ZDHHC7: variants seen among roughly 807,000 people sequenced by gnomAD.
ZDHHC7 encodes palmitoyltransferase ZDHHC7.
In ZDHHC7, 12 loss-of-function variants were observed where a neutral mutation model predicts 34.1. The observed-to-expected ratio is 0.35, with a 90% CI of 0.23 to 0.57. The LOEUF (loss-of-function observed/expected upper bound fraction) is 0.57, where lower values mean the gene tolerates loss of function less well. ZDHHC7 is among the 20% of genes least tolerant of loss of function. ZDHHC7 has a pLI of 0.84. For synonymous variants in ZDHHC7, 185 were observed against 155.4 expected, an observed-to-expected ratio of 1.19 and a Z score of -1.42; for missense variants, 388 against 402.7, an observed-to-expected ratio of 0.96 and a Z score of 0.31.
chr16:84,991,278 C>G (rs983177483), intron 2 of ZDHHC7, among the ~76,000 whole-genome samples: 1 of 151,888 alleles, frequency 6.6e-6, no homozygotes, highest in African/African-American at 2.4e-5. Context: ...CTAGAATGCC[C>G]TTCATCTCTA....
chr16:84,974,341 TAG>T lies in ZDHHC7; in HGVS notation c.*2000_*2001del, dbSNP rs2072266123. 6.6e-6 allele frequency: 1 copy of T among 152,146 alleles called. No individual in the cohort carries two copies. Among genetic ancestry groups the T allele is most frequent in the South Asian group, 2.1e-4 (1 of 4,828 alleles). The allele number at this position is 152,146 out of a possible 1,614,324, so 9.4% of individuals were successfully genotyped here. ...CACTTGTCATGGGCACAAAAGCATTTAGAGTTTCTGGAAACTGTTTGGGAGTG... is the reference window on the plus strand; with the variant it reads ...CACTTGTCATGGGCACAAAAGCATTTAGTTTCTGGAAACTGTTTGGGAGTG... On this transcript the variant is annotated 3_prime_UTR_variant, in exon 8 of 8. Transcript: ENST00000313732.
At chr16:84,991,424 T>G (rs1440653896) in intron 2 of ZDHHC7, among the ~76,000 whole-genome samples, 1 of 152,048 alleles carries the variant, frequency 6.6e-6, no homozygotes, top group Non-Finnish European at 1.5e-5. Context: ...TAGCTGGGAT[T>G]ACAGGCGCCC....
chr16:85,005,408 T>C (rs944905302), intron 1 of ZDHHC7, among the ~76,000 whole-genome samples: 11 of 152,202 alleles, frequency 7.2e-5, no homozygotes, highest in African/African-American at 2.7e-4. Flanking sequence ...TTACTGAGCA[T>C]CTACTCTGTT....
At chr16:84,995,451 C>A (rs941033409) in intron 2 of ZDHHC7, among the ~76,000 whole-genome samples, 3 of 152,158 alleles carry the variant, frequency 2.0e-5, no homozygotes, top group Admixed American at 6.5e-5. Flanking sequence ...CATGGTGAAA[C>A]CCCGTCTCTA....
chr16:84,993,400 G>A lies in ZDHHC7; in HGVS notation c.-18+2522C>T, dbSNP rs946848468. On this transcript the variant is annotated intron_variant, in intron 2 of 7. Transcript: ENST00000313732. The stretch of plus-strand genomic sequence containing the variant: ...TAATCTCAGCACTTTAGGAGGCCAA[G>A]GTGGGAGGATCTCTTGAGCCCAGGA... 2.0e-5 allele frequency among the ~76,000 whole-genome samples: 3 copies of A among 152,152 alleles called. No homozygotes were observed. In the South Asian group the frequency reaches 6.2e-4, roughly 32 times the overall value.
the ZDHHC7 span, among the ~76,000 whole-genome samples, chr16:85,024,155 T>C: frequency 1.3e-5 from 2 of 150,916 alleles, no homozygotes; most frequent in Admixed American, 1.3e-4. Flanking sequence ...TGACCTCAGA[T>C]GATCCACCCG....
At chr16:85,015,407 C>G (rs993027113), upstream of ZDHHC7, among the ~76,000 whole-genome samples, 42 of 152,170 alleles carry the variant, frequency 2.8e-4, no homozygotes, top group African/African-American at 1.0e-3. Flanking sequence ...GGCCTCACAG[C>G]TCTTAACAGA....
At chr16:85,013,908 C>G (rs2047600), upstream of ZDHHC7, among the ~76,000 whole-genome samples, 96,819 of 151,736 alleles carry the variant, frequency 0.64, 32,980 homozygotes, top group African/African-American at 0.88. Flanking sequence ...GGCTGGTCTG[C>G]AACTCCTGAC....
At chr16:84,990,826 C>T (rs2072500237) in intron 2 of ZDHHC7, among the ~76,000 whole-genome samples, 191 bp from the exon 3 acceptor site, 1 of 151,822 alleles carries the variant, frequency 6.6e-6, no homozygotes, top group Admixed American at 6.6e-5. Context: ...TTTACTACAA[C>T]ACAGTAAGTC....
intron 1 of ZDHHC7, among the ~76,000 whole-genome samples, chr16:85,008,221 C>T (rs1416307898): frequency 6.6e-6 from 1 of 152,040 alleles, no homozygotes. Context: ...GGGAGCTCTT[C>T]GTCACAGGGT....
intron 1 of ZDHHC7, among the ~76,000 whole-genome samples, chr16:84,997,522 C>G (rs906613050): frequency 8.6e-5 from 13 of 150,974 alleles, no homozygotes; most frequent in Non-Finnish European, 1.5e-4. Flanking sequence ...CCGCCCGCCT[C>G]GGCCTCCCAA....
rs1486956367 is a variant in ZDHHC7 at position 84,977,028 on chromosome 16, T to A, written c.750+67A>T. On this transcript the variant is annotated intron_variant, in intron 7 of 7. Coordinates refer to ENST00000313732, the MANE Select transcript of ZDHHC7 (RefSeq NM_017740.3). ...AGTCCACAGGCACCTATTGTTGACA[T>A]TAGGACTTTTCATTTACTCAAGCTT... 3 of 1,593,816 alleles carry A rather than the reference T, an allele frequency of 1.9e-6. No homozygotes were observed. The Admixed American group carries it at 5.1e-5, about 27-fold the overall frequency.
intron 1 of ZDHHC7, among the ~76,000 whole-genome samples, chr16:85,007,073 A>C (rs888647339): frequency 6.6e-6 from 1 of 152,078 alleles, no homozygotes; most frequent in Admixed American, 6.5e-5. Context: ...TCTGGGCCCC[A>C]TATGGAGTCT....
chr16:85,020,759 G>A, the ZDHHC7 span, among the ~76,000 whole-genome samples: 1 of 152,290 alleles, frequency 6.6e-6, no homozygotes, highest in African/African-American at 2.4e-5. Context: ...GCTGGCATAT[G>A]TGAGGGGCAG....
intron 4 of ZDHHC7, 157 bp from the exon 5 acceptor site, chr16:84,979,442 A>G (rs1448448470): frequency 1.3e-6 from 1 of 749,194 alleles, no homozygotes; most frequent in African/African-American, 1.9e-5. Context: ...TTTAAGGTTT[A>G]TCATTTTAAT....
At chr16:85,008,102 C>A (rs933301975) in intron 1 of ZDHHC7, among the ~76,000 whole-genome samples, 4 of 152,024 alleles carry the variant, frequency 2.6e-5, no homozygotes, top group African/African-American at 7.3e-5. Flanking sequence ...GGCAAAAGAG[C>A]AAGACCCTCT....
chr16:84,995,864 C>A (rs143733213), intron 2 of ZDHHC7, 58 bp downstream of exon 2: 3 of 152,312 alleles, frequency 2.0e-5, no homozygotes, highest in Non-Finnish European at 4.4e-5. Flanking sequence ...AATATACAAG[C>A]TAGTGTCAGC....
At chr16:85,025,985 G>C in the ZDHHC7 span, among the ~76,000 whole-genome samples, 9 of 152,190 alleles carry the variant, frequency 5.9e-5, no homozygotes, top group Non-Finnish European at 1.3e-4. Context: ...GTGGTTTGCA[G>C]AACTCACTTT....
At chr16:84,987,256 G>A (rs1258921014) in intron 3 of ZDHHC7, among the ~76,000 whole-genome samples, 2 of 152,230 alleles carry the variant, frequency 1.3e-5, no homozygotes, top group East Asian at 3.8e-4. Context: ...AAGCAGACAT[G>A]CTTCCAAAGA....
Sources: allele counts gnomAD v4.1 joint callset (sites outside exome capture counted in the v4.1 genomes callset), GRCh38; gene constraint gnomAD v4.1.1; transcripts MANE v1.5; gene names NCBI Gene and HGNC (gene_info 2026-07-23, HGNC 2026-07-21).